The following GPC4 variants were observed in gnomAD, a reference collection of about 807,000 sequenced individuals.
The protein encoded by GPC4 is glypican 4.
Under a neutral mutation model 35.0 loss-of-function variants are expected in GPC4, and 10 were observed. The ratio of observed to expected loss-of-function variants is 0.29; its 90% confidence interval spans 0.18 to 0.48. The LOEUF is 0.48. GPC4 is among the 20% of genes least tolerant of loss of function. The probability of loss-of-function intolerance (pLI) is 0.99; values close to 1 mark genes in which losing one functional copy is unlikely to be tolerated. For synonymous variants in GPC4, 167 were observed against 170.2 expected (o/e 0.98, Z 0.15); for missense variants, 322 against 451.3 (o/e 0.71, Z 2.60).
At chrX:133,368,639 G>A (rs1002664529) in intron 1 of GPC4, among the ~76,000 whole-genome samples, 8 of 110,559 alleles carry the variant, frequency 7.2e-5, no homozygotes, top group African/African-American at 2.3e-4. Context: ...ATAACATTGA[G>A]TAACATTATT....
intron 1 of GPC4, among the ~76,000 whole-genome samples, chrX:133,381,534 A>G (rs2068660712): frequency 8.9e-6 from 1 of 111,943 alleles, no homozygotes; most frequent in South Asian, 3.8e-4. Flanking sequence ...CAGATTTCAG[A>G]TAACTCTCCA....
At chrX:133,374,448 G>A (rs2068625289) in intron 1 of GPC4, among the ~76,000 whole-genome samples, 1 of 111,615 alleles carries the variant, frequency 9.0e-6, no homozygotes, top group East Asian at 2.8e-4. Flanking sequence ...GGGCCAGGGT[G>A]AACCAAGAAC....
At chrX:133,378,794 T>C in intron 1 of GPC4, among the ~76,000 whole-genome samples, 1 of 110,938 alleles carries the variant, frequency 9.0e-6, no homozygotes, top group Non-Finnish European at 1.9e-5. Flanking sequence ...CTGACACATG[T>C]TCTTTCACCA....
At chrX:133,357,377 C>G (rs1415291466) in intron 1 of GPC4, among the ~76,000 whole-genome samples, 3 of 99,324 alleles carry the variant, frequency 3.0e-5, no homozygotes, top group Non-Finnish European at 4.1e-5. Flanking sequence ...GAGGAAGACT[C>G]TCTCAAAAAA....
chrX:133,380,874 T>C (rs1389134076), intron 1 of GPC4, among the ~76,000 whole-genome samples: 1 of 112,031 alleles, frequency 8.9e-6, no homozygotes, highest in Non-Finnish European at 1.9e-5. Context: ...TTTTAATTAC[T>C]TTATGAAGAC....
At chrX:133,409,548 C>T (rs900878423) in intron 1 of GPC4, among the ~76,000 whole-genome samples, 5 of 110,639 alleles carry the variant, frequency 4.5e-5, no homozygotes, top group Non-Finnish European at 7.5e-5. Flanking sequence ...ACAGACAAGA[C>T]GAGGAGTTGT....
At chrX:133,336,260 C>T (rs1192105294) in intron 2 of GPC4, among the ~76,000 whole-genome samples, 1 of 111,768 alleles carries the variant, frequency 8.9e-6, no homozygotes, top group African/African-American at 3.3e-5. Context: ...CATCGCCAGG[C>T]GCGGTGGCTC....
At chrX:133,359,057 T>C (rs750679257) in intron 1 of GPC4, among the ~76,000 whole-genome samples, 11 of 111,680 alleles carry the variant, frequency 9.8e-5, no homozygotes, top group Non-Finnish European at 1.7e-4. Context: ...AAGAGATACC[T>C]GGCCTTGGTC....
intron 3 of GPC4, among the ~76,000 whole-genome samples, chrX:133,313,228 G>GA (rs1345326776): frequency 9.0e-6 from 1 of 111,378 alleles, no homozygotes; most frequent in Non-Finnish European, 1.9e-5. Context: ...GGTGTCAGGA[G>GA]AAAAAAAACA....
chrX:133,315,053 T>C (rs762302776), intron 3 of GPC4, among the ~76,000 whole-genome samples: 2 of 109,798 alleles, frequency 1.8e-5, no homozygotes, highest in Non-Finnish European at 3.8e-5. Context: ...CTACACAGTA[T>C]ATGGCACATG....
chrX:133,330,056 T>C (rs991380388), intron 2 of GPC4, among the ~76,000 whole-genome samples: 1 of 111,972 alleles, frequency 8.9e-6, no homozygotes, highest in Non-Finnish European at 1.9e-5. Context: ...CAACTGGCTA[T>C]TGATTAATGC....
chrX:133,382,503 T>C (rs372952717), intron 1 of GPC4, among the ~76,000 whole-genome samples: 1 of 91,375 alleles, frequency 1.1e-5, no homozygotes, highest in Non-Finnish European at 2.1e-5. Flanking sequence ...CCAAGGCGGG[T>C]GGATCACCAG....
In GPC4 at chrX:133,308,994, A is replaced by G. The variant is rs2068303240; in HGVS notation, c.877+2264T>C. Among the ~76,000 whole-genome samples the G allele has an allele frequency of 9.9e-5, 11 of 110,719 alleles. No homozygotes were observed. The South Asian group carries it at 4.2e-3, about 42-fold the overall frequency. On this transcript the variant is annotated intron_variant, in intron 4 of 8. Transcript: ENST00000370828. Reference sequence around the variant, plus strand: ...AAAATTCCTTGCAAACAGAAAAAAAAAAAAAGAGAGAGAGACAAGAAATAA... The same window carrying G: ...AAAATTCCTTGCAAACAGAAAAAAAGAAAAAGAGAGAGAGACAAGAAATAA...
chrX:133,312,457 C>T (rs2266793), intron 3 of GPC4, among the ~76,000 whole-genome samples: 40,489 of 108,546 alleles, frequency 0.37, 6,462 homozygotes, highest in African/African-American at 0.6. Flanking sequence ...GGTGAAACCC[C>T]GTTTCTACTA....
rs1289668354 is a variant in GPC4, at chrX:133,301,957, A to G, written c.*910T>C. On this transcript the variant is annotated 3_prime_UTR_variant, in exon 9 of 9. Transcript: ENST00000370828. ...GGTCAGTGTGAACATGAAAACTAGC[A>G]CAGGGTGGGCTAGCTAACCTGCCTG... 2 of 110,783 alleles carry G rather than the reference A, an allele frequency of 1.8e-5. No individual in the cohort carries two copies. Among genetic ancestry groups the G allele is most frequent in the Non-Finnish European group, 3.8e-5 (2 of 52,909 alleles). 9.1% of individuals were successfully genotyped at this position (110,783 alleles called of 1,213,427 possible). A position where few individuals can be genotyped will look rare whatever the true frequency, so the allele number is the denominator to read the frequency against.
chrX:133,342,872 G>C (rs143221426), intron 1 of GPC4, among the ~76,000 whole-genome samples: 1 of 111,296 alleles, frequency 9.0e-6, no homozygotes, highest in East Asian at 2.8e-4. Context: ...TTGAAGGCTA[G>C]GGCGTGCATA....
chrX:133,337,766 A>G (rs758538100), intron 2 of GPC4, among the ~76,000 whole-genome samples: 19 of 111,232 alleles, frequency 1.7e-4, no homozygotes, highest in African/African-American at 6.2e-4. Flanking sequence ...TAATTCAGTG[A>G]TCAGGAGAGA....
In GPC4 at chrX:133,324,256, G is replaced by A. The variant is rs760735068; in HGVS notation, c.600C>T (p.Phe200=). 2 of 1,211,496 alleles carry A rather than the reference G, an allele frequency of 1.7e-6. No homozygotes were observed. The highest frequency in any genetic ancestry group is 1.1e-6 in the Non-Finnish European group (1 of 895,455). Residue 200 remains phenylalanine, a synonymous_variant, in exon 3 of 9, where the codon TTC becomes TTT. Transcript: ENST00000370828. The part of the protein sequence containing the change: ...VSKYTEQLKP[F]GDVPRKLKLQ... Reference sequence around the variant, plus strand: ...GCTTCAATTTGCGAGGGACATCTCCGAAGGGCTTCAGCTGCTCCGTATACT... The same window carrying A: ...GCTTCAATTTGCGAGGGACATCTCCAAAGGGCTTCAGCTGCTCCGTATACT...
chrX:133,398,706 T>C (rs2068755446), intron 1 of GPC4, among the ~76,000 whole-genome samples: 1 of 107,959 alleles, frequency 9.3e-6, no homozygotes, highest in African/African-American at 3.4e-5. Context: ...AGGTGGAAGT[T>C]GCAGTGAGAC....
Sources: allele counts gnomAD v4.1 joint callset (sites outside exome capture counted in the v4.1 genomes callset), GRCh38; gene constraint gnomAD v4.1.1; transcripts MANE v1.5; gene names NCBI Gene and HGNC (gene_info 2026-07-23, HGNC 2026-07-21).